SPEF2: variants seen among roughly 807,000 people sequenced by gnomAD.
SPEF2 encodes sperm flagella and cilia-associated protein 2.
Under a neutral mutation model 224.6 loss-of-function variants are expected in SPEF2, and 187 were observed. That is an observed-to-expected ratio of 0.83 (90% CI 0.74 to 0.94). The LOEUF is 0.94. Ranked by LOEUF, SPEF2 falls within the 40% of genes least tolerant of loss-of-function variation. The pLI is 0.00. For synonymous variants in SPEF2, 715 were observed against 707.3 expected (o/e 1.01, Z -0.17); for missense variants, 2,170 against 2,135.6 (o/e 1.02, Z -0.32).
chr5:35,766,845 T>A (rs896054935), intron 26 of SPEF2, among the ~76,000 whole-genome samples: 7 of 151,854 alleles, frequency 4.6e-5, no homozygotes, highest in Admixed American at 4.6e-4. Context: ...TATCATCGAA[T>A]TCAAAGCATT....
chr5:35,689,862 T>C (rs1248291580), intron 10 of SPEF2, among the ~76,000 whole-genome samples: 1 of 152,172 alleles, frequency 6.6e-6, no homozygotes, highest in Non-Finnish European at 1.5e-5. Context: ...GTTACAACAT[T>C]GATACTTACT....
chr5:35,675,807 A>G, intron 10 of SPEF2: 1 of 397,870 alleles, frequency 2.5e-6, no homozygotes, highest in South Asian at 1.8e-5. Context: ...GTTTTCAAAG[A>G]GGGCTCTATT....
chr5:35,769,423 AG>A (rs1752495660), intron 26 of SPEF2, among the ~76,000 whole-genome samples: 1 of 152,082 alleles, frequency 6.6e-6, no homozygotes, highest in Non-Finnish European at 1.5e-5. Flanking sequence ...AGAAAGAAAA[AG>A]ACAAAAAAAA....
rs748166674 is a variant in SPEF2, at chr5:35,771,687, C to T, written c.3880C>T (p.Gln1294Ter). The T allele has an allele frequency of 1.2e-6, 2 of 1,609,068 alleles. No homozygotes were observed. The highest frequency in any genetic ancestry group is 2.2e-5 in the East Asian group (1 of 44,822). The change falls in exon 27 of 37, where the codon CAG (glutamine) becomes TAG (stop). Residue 1294 changes from glutamine (Q) to a stop codon, truncating the protein, a stop_gained. Coordinates refer to ENST00000356031, the MANE Select transcript of SPEF2 (RefSeq NM_024867.4). LOFTEE classifies it high-confidence loss of function. ...AGCAGACCCCAAAGAAAAATCTCCTCAGATGGGTGCAAATAAAAAAGTCAA... is the reference window on the plus strand; with the variant it reads ...AGCAGACCCCAAAGAAAAATCTCCTTAGATGGGTGCAAATAAAAAAGTCAA... ...QPADPKEKSP[Q>*]MGANKKVKKE... is the part of the protein sequence containing the mutation.
chr5:35,763,883 A>T (rs1751706364), intron 26 of SPEF2, among the ~76,000 whole-genome samples, 181 bp downstream of exon 26: 1 of 152,204 alleles, frequency 6.6e-6, no homozygotes, highest in African/African-American at 2.4e-5. Context: ...AATATTTGAG[A>T]TCATGAAACG....
rs561369812 is a variant in SPEF2 at position 35,776,267 on chromosome 5, G to C, written c.4089G>C (p.Thr1363=). ...LAALQFEEIA[T]QFRLELIKTK... ...TCTCTTTGCAAATAGAAATAGCCAC[G>C]CAATTTCGACTTGAACTGATAAAGA... Residue 1363 remains threonine, a synonymous_variant, in exon 29 of 37, where the codon ACG becomes ACC. Coordinates refer to ENST00000356031, the MANE Select transcript of SPEF2 (RefSeq NM_024867.4). 10 of 1,603,442 alleles carry C rather than the reference G, an allele frequency of 6.2e-6. No homozygotes were observed. In the South Asian group the frequency reaches 1.1e-4, roughly 18 times the overall value.
At chr5:35,654,024 G>T (rs1238357584) in intron 6 of SPEF2, among the ~76,000 whole-genome samples, 1 of 150,346 alleles carries the variant, frequency 6.7e-6, no homozygotes, top group African/African-American at 2.4e-5. Context: ...ACTTTGGAAG[G>T]CCAAGGTGGG....
intron 19 of SPEF2, among the ~76,000 whole-genome samples, chr5:35,711,127 G>A (rs1741020490): frequency 6.6e-6 from 1 of 152,138 alleles, no homozygotes; most frequent in South Asian, 2.1e-4. Context: ...AGAACTGAAA[G>A]CCTGAGGCTT....
chr5:35,675,114 A>G (rs1751757772), intron 10 of SPEF2, among the ~76,000 whole-genome samples: 1 of 152,250 alleles, frequency 6.6e-6, no homozygotes, highest in African/African-American at 2.4e-5. Flanking sequence ...GGAGGAATAC[A>G]GCTGACCTCT....
intron 11 of SPEF2, among the ~76,000 whole-genome samples, chr5:35,691,955 A>G (rs1754553955): frequency 6.6e-6 from 1 of 151,798 alleles, no homozygotes. Context: ...GCGCACCACT[A>G]CACCCAGCTA....
intron 36 of SPEF2, among the ~76,000 whole-genome samples, chr5:35,812,771 A>G (rs1758619544): frequency 6.6e-6 from 1 of 152,240 alleles, no homozygotes; most frequent in Admixed American, 6.5e-5. Flanking sequence ...TTATAAACAA[A>G]TGAATCAGGA....
chr5:35,639,036 C>A (rs991121263), intron 2 of SPEF2, among the ~76,000 whole-genome samples: 1 of 152,080 alleles, frequency 6.6e-6, no homozygotes, highest in Non-Finnish European at 1.5e-5. Context: ...TGTAAAAATG[C>A]AGGCCTTCGT....
At chr5:35,800,181 G>A (rs577229271) in intron 34 of SPEF2, 34 bp downstream of exon 34, 1 of 1,597,026 alleles carries the variant, frequency 6.3e-7, no homozygotes, top group East Asian at 2.2e-5. Flanking sequence ...TAACTATAGA[G>A]TCTAGAGGGG....
At chr5:35,690,884 T>C (rs1422263896) in intron 10 of SPEF2, among the ~76,000 whole-genome samples, 153 bp from the exon 11 acceptor site, 1 of 152,194 alleles carries the variant, frequency 6.6e-6, no homozygotes, top group Non-Finnish European at 1.5e-5. Context: ...TATGAAACTA[T>C]TATTAATGTT....
chr5:35,691,283 G>T (rs781463681), intron 11 of SPEF2, 27 bp downstream of exon 11: 2 of 1,575,536 alleles, frequency 1.3e-6, no homozygotes, highest in East Asian at 4.5e-5. Flanking sequence ...TACTCTCCCT[G>T]CCATTAGGTC....
chr5:35,657,435 G>A (rs1191156794), intron 7 of SPEF2, among the ~76,000 whole-genome samples: 1 of 152,104 alleles, frequency 6.6e-6, no homozygotes, highest in Non-Finnish European at 1.5e-5. Context: ...GATTGGTAGG[G>A]AGGGGCTGAT....
chr5:35,695,628 G>A (rs540327075), intron 13 of SPEF2, 107 bp from the exon 14 acceptor site: 1 of 760,696 alleles, frequency 1.3e-6, no homozygotes, highest in Non-Finnish European at 2.1e-6. Flanking sequence ...CTCAGGCATA[G>A]CTGGATCTGA....
Position 35,631,768 on chromosome 5 carries a change from T to G in SPEF2, c.161+3206T>G, listed in dbSNP as rs72738814. 6.4e-3 allele frequency among the ~76,000 whole-genome samples: 969 copies of G among 152,312 alleles called. 9 individuals carry two copies. The highest frequency in any genetic ancestry group is 0.01 in the Non-Finnish European group (709 of 68,034). On this transcript the variant is annotated intron_variant, in intron 2 of 36. Coordinates refer to ENST00000356031, the MANE Select transcript of SPEF2 (RefSeq NM_024867.4). The stretch of plus-strand genomic sequence containing the variant: ...TTCAAGCAATTGCAATTCAAAAATA[T>G]TTGGGAAAAAAATTTCACAGAGTTC...
chr5:35,739,781 G>T, intron 21 of SPEF2, 138 bp from the exon 22 acceptor site: 1 of 872,376 alleles, frequency 1.1e-6, no homozygotes, highest in Non-Finnish European at 1.7e-6. Context: ...GAGAAGAGGA[G>T]CAAGAAGTCT....
Sources: allele counts gnomAD v4.1 joint callset (sites outside exome capture counted in the v4.1 genomes callset), GRCh38; gene constraint gnomAD v4.1.1; transcripts MANE v1.5; gene names NCBI Gene and HGNC (gene_info 2026-07-23, HGNC 2026-07-21).